The following IMMP2L variants were observed in gnomAD, a reference collection of about 807,000 sequenced individuals.
IMMP2L encodes inner mitochondrial membrane peptidase subunit 2.
IMMP2L carries 18 observed loss-of-function variants against 19.3 expected under a neutral mutation model. That is an observed-to-expected ratio of 0.93 (90% CI 0.64 to 1.38). The LOEUF is 1.38. Among genes scored for constraint, IMMP2L ranks in the 40% most tolerant of loss-of-function variants. The probability of loss-of-function intolerance (pLI) is 0.00; values close to 1 mark genes in which losing one functional copy is unlikely to be tolerated. For synonymous variants in IMMP2L, 76 were observed against 73.0 expected (o/e 1.04, Z -0.21); for missense variants, 233 against 218.2 (o/e 1.07, Z -0.43).
At chr7:110,794,439 A>T (rs927980758) in intron 5 of IMMP2L, among the ~76,000 whole-genome samples, 1 of 152,134 alleles carries the variant, frequency 6.6e-6, no homozygotes, top group Non-Finnish European at 1.5e-5. Flanking sequence ...GACATTCTGG[A>T]TATACACAAA....
intron 4 of IMMP2L, among the ~76,000 whole-genome samples, chr7:110,941,056 T>C (rs1585360439): frequency 6.6e-6 from 1 of 152,202 alleles, no homozygotes; most frequent in East Asian, 1.9e-4. Flanking sequence ...GCATAATCAG[T>C]GATAATACTC....
chr7:111,286,307 A>G (rs887168789), intron 3 of IMMP2L, among the ~76,000 whole-genome samples: 1 of 152,138 alleles, frequency 6.6e-6, no homozygotes, highest in African/African-American at 2.4e-5. Context: ...ACTTTCTCCT[A>G]TGGTTGTTCA....
At chr7:110,995,974 A>C (rs1019554944) in intron 3 of IMMP2L, among the ~76,000 whole-genome samples, 2 of 152,142 alleles carry the variant, frequency 1.3e-5, no homozygotes, top group Non-Finnish European at 2.9e-5. Flanking sequence ...ATGCGTGGGG[A>C]AATACCAATA....
intron 3 of IMMP2L, among the ~76,000 whole-genome samples, chr7:111,232,500 T>C (rs37711): frequency 0.47 from 70,942 of 151,558 alleles, 16,971 homozygotes; most frequent in Non-Finnish European, 0.52. Flanking sequence ...GTCCTGAGGT[T>C]AGCTAGATCT....
At chr7:111,059,247 A>C (rs918665125) in intron 3 of IMMP2L, among the ~76,000 whole-genome samples, 4 of 152,076 alleles carry the variant, frequency 2.6e-5, no homozygotes, top group Admixed American at 6.6e-5. Flanking sequence ...CTCTCAAAGC[A>C]CAGGGATTAC....
chr7:110,695,358 ATTTTTAAAT>A (rs1793808407), intron 5 of IMMP2L, among the ~76,000 whole-genome samples: 1 of 151,784 alleles, frequency 6.6e-6, no homozygotes, highest in Non-Finnish European at 1.5e-5. Flanking sequence ...CCCCCAGCTA[ATTTTTAAAT>A]TTTTTGTAGA....
chr7:111,367,302 G>C (rs914661630), intron 3 of IMMP2L, among the ~76,000 whole-genome samples: 2 of 151,714 alleles, frequency 1.3e-5, no homozygotes, highest in African/African-American at 4.8e-5. Context: ...AGAATACGAA[G>C]AGCCCTCACA....
At chr7:111,260,965 T>C (rs970264431) in intron 3 of IMMP2L, among the ~76,000 whole-genome samples, 4 of 152,026 alleles carry the variant, frequency 2.6e-5, no homozygotes, top group African/African-American at 9.7e-5. Flanking sequence ...AAACATGATG[T>C]TTGAAATGAG....
At chr7:111,504,372 A>G (rs1440938724) in intron 2 of IMMP2L, among the ~76,000 whole-genome samples, 1 of 151,992 alleles carries the variant, frequency 6.6e-6, no homozygotes, top group African/African-American at 2.4e-5. Flanking sequence ...GGAAGAATCA[A>G]TATCGTGAAA....
At chr7:110,971,297 A>G (rs999821487) in intron 3 of IMMP2L, among the ~76,000 whole-genome samples, 6 of 152,268 alleles carry the variant, frequency 3.9e-5, no homozygotes, top group South Asian at 2.1e-4. Context: ...AAGTGAAGAA[A>G]GTAAGCATAA....
intron 3 of IMMP2L, among the ~76,000 whole-genome samples, chr7:110,994,968 A>G (rs948922711): frequency 3.3e-5 from 5 of 152,132 alleles, no homozygotes; most frequent in Admixed American, 6.6e-5. Flanking sequence ...TAAGAAAATA[A>G]ATCTTCCCAG....
At chr7:111,558,634 C>T (rs1343207734) in intron 1 of IMMP2L, among the ~76,000 whole-genome samples, 3 of 152,142 alleles carry the variant, frequency 2.0e-5, no homozygotes, top group Non-Finnish European at 1.5e-5. Flanking sequence ...TGGAGGGAGA[C>T]GTGGTCCAGC....
intron 3 of IMMP2L, among the ~76,000 whole-genome samples, chr7:110,982,353 G>A (rs1821390626): frequency 1.3e-5 from 2 of 152,128 alleles, no homozygotes; most frequent in African/African-American, 4.8e-5. Flanking sequence ...TAAGGCAACA[G>A]TTTGACCTTA....
chr7:110,781,954 C>T (rs1248808874), intron 5 of IMMP2L, among the ~76,000 whole-genome samples: 3 of 151,846 alleles, frequency 2.0e-5, no homozygotes, highest in Non-Finnish European at 4.4e-5. Flanking sequence ...TGATCACTTT[C>T]TTCAATTAAT....
At chr7:110,810,134 C>A (rs537270856) in intron 5 of IMMP2L, among the ~76,000 whole-genome samples, 181 of 152,156 alleles carry the variant, frequency 1.2e-3, no homozygotes, top group Non-Finnish European at 2.3e-3. Flanking sequence ...TTGCTTATCC[C>A]TTGTTTAGTC....
At chr7:111,318,750 T>C (rs1004076412) in intron 3 of IMMP2L, among the ~76,000 whole-genome samples, 1 of 152,128 alleles carries the variant, frequency 6.6e-6, no homozygotes, top group Non-Finnish European at 1.5e-5. Context: ...TATTACTTAA[T>C]AGATTCTTTT....
intron 3 of IMMP2L, among the ~76,000 whole-genome samples, chr7:111,150,741 G>A (rs1422016694): frequency 2.0e-5 from 3 of 152,060 alleles, no homozygotes; most frequent in Non-Finnish European, 4.4e-5. Context: ...TCACTTTATG[G>A]CGGAAAATGC....
chr7:110,895,071 G>T (rs1193776215), intron 4 of IMMP2L, among the ~76,000 whole-genome samples: 1 of 152,194 alleles, frequency 6.6e-6, no homozygotes, highest in African/African-American at 2.4e-5. Context: ...TGGACTTAAA[G>T]TTCCACGTGG....
intron 4 of IMMP2L, among the ~76,000 whole-genome samples, chr7:110,928,339 G>A (rs1231637034): frequency 7.2e-6 from 1 of 138,880 alleles, no homozygotes; most frequent in East Asian, 2.1e-4. Context: ...GTACATATGT[G>A]TATATGTACC....
Sources: allele counts gnomAD v4.1 joint callset (sites outside exome capture counted in the v4.1 genomes callset), GRCh38; gene constraint gnomAD v4.1.1; transcripts MANE v1.5; gene names NCBI Gene and HGNC (gene_info 2026-07-23, HGNC 2026-07-21).